SMARCA2: variants seen among roughly 807,000 people sequenced by gnomAD.
SMARCA2 encodes the protein SWI/SNF-related matrix-associated actin-dependent regulator of chromatin subfamily A member 2.
SMARCA2 carries 61 observed loss-of-function variants against 199.8 expected under a neutral mutation model. That is an observed-to-expected ratio of 0.31 (90% CI 0.25 to 0.38). The LOEUF (loss-of-function observed/expected upper bound fraction) is 0.38, where lower values mean the gene tolerates loss of function less well. Ranked by LOEUF, SMARCA2 falls within the 10% of genes least tolerant of loss-of-function variation. The pLI, the probability that SMARCA2 is intolerant of heterozygous loss-of-function variation, is 1.00. For missense variants in SMARCA2, 1,344 were observed against 2,012.2 expected (o/e 0.67, Z 6.35); for synonymous variants, 935 against 732.0 (o/e 1.28, Z -4.48).
chr9:2,190,850 C>G (rs1253030412), intron 32 of SMARCA2, among the ~76,000 whole-genome samples: 1 of 152,150 alleles, frequency 6.6e-6, no homozygotes, highest in Non-Finnish European at 1.5e-5. Flanking sequence ...ATGGAGTTAT[C>G]TACATGGTAA....
chr9:2,075,827 G>A (rs1821300002), intron 12 of SMARCA2, among the ~76,000 whole-genome samples: 3 of 152,094 alleles, frequency 2.0e-5, no homozygotes, highest in African/African-American at 7.2e-5. Flanking sequence ...CCAGCCATCA[G>A]AGAGAGTGTT....
At chr9:2,179,939 A>C (rs1051108543) in intron 29 of SMARCA2, among the ~76,000 whole-genome samples, 1 of 152,228 alleles carries the variant, frequency 6.6e-6, no homozygotes, top group Non-Finnish European at 1.5e-5. Context: ...AAACAGATAA[A>C]ATGTTTGGGT....
At chr9:2,048,813 G>A (rs1819994758) in intron 5 of SMARCA2, among the ~76,000 whole-genome samples, 1 of 152,210 alleles carries the variant, frequency 6.6e-6, no homozygotes, top group South Asian at 2.1e-4. Context: ...CTGATAGGCA[G>A]ATTCTGCTGG....
Position 2,115,776 on chromosome 9 carries a change from T to A in SMARCA2, c.3457-46T>A. 1 of 1,528,286 alleles carries A rather than the reference T, an allele frequency of 6.5e-7. No individual in the cohort carries two copies. The highest frequency in any genetic ancestry group is 9.0e-7 in the Non-Finnish European group (1 of 1,108,142). 94.7% of individuals were successfully genotyped at this position (1,528,286 alleles called of 1,614,324 possible). A position where few individuals can be genotyped will look rare whatever the true frequency, so the allele number is the denominator to read the frequency against. On this transcript the variant is annotated intron_variant, in intron 24 of 33. Transcript: ENST00000349721. The surrounding 1 kb of genome is among the most constrained non-coding windows in gnomAD (Gnocchi z 6.0). ...GGGGTGGGGTCCGGTTTTGGATGCC[T>A]ATGCCAGGCATCTCAGTCCTCATAG...
At position 2,056,529 on chromosome 9, in the gene SMARCA2, T is replaced by C. The variant is rs1820361808; in HGVS notation, c.1174-143T>C. 1.5e-6 allele frequency: 1 copy of C among 659,918 alleles called. No individual in the cohort carries two copies. The highest frequency in any genetic ancestry group is 2.5e-6 in the Non-Finnish European group (1 of 404,126). 40.9% of individuals were successfully genotyped at this position (659,918 alleles called of 1,614,324 possible). ...ATTTGGCATGATTTTAGTTCCTTCA[T>C]TTAATACAAACCAAAGGTGATTGAG... On this transcript the variant is annotated intron_variant, in intron 6 of 33. Transcript: ENST00000349721. The surrounding 1 kb of genome is among the most constrained non-coding windows in gnomAD (Gnocchi z 4.0).
chr9:2,042,994 T>G (rs1203416666), intron 4 of SMARCA2: 1 of 152,210 alleles, frequency 6.6e-6, no homozygotes, highest in Non-Finnish European at 1.5e-5. Flanking sequence ...AAAATAATTT[T>G]TTTTTTAGAT....
intron 32 of SMARCA2, among the ~76,000 whole-genome samples, chr9:2,186,827 G>A (rs1586816445): frequency 6.6e-6 from 1 of 151,642 alleles, no homozygotes; most frequent in South Asian, 2.1e-4. Context: ...CACCTGACCT[G>A]CAAACACTTT....
chr9:2,077,594 G>A (rs1477287340), intron 13 of SMARCA2, 35 bp from the exon 14 acceptor site: 1 of 1,599,406 alleles, frequency 6.3e-7, no homozygotes, highest in African/African-American at 1.3e-5. Flanking sequence ...GCACGCACAT[G>A]TCTGTGTGTG....
In SMARCA2 at chr9:2,156,414, C is replaced by CTTT. The variant is rs57161267; in HGVS notation, c.3982-5242_3982-5240dup. On this transcript the variant is annotated intron_variant, in intron 27 of 33. Coordinates refer to ENST00000349721, the MANE Select transcript of SMARCA2 (RefSeq NM_003070.5). ...ATACCATAAAGTTTACCATTTTAGA[C>CTTT]TTTTTTTTTTTTTTTTTTTTTTTTT... Among the ~76,000 whole-genome samples the CTTT allele has an allele frequency of 6.9e-3, 475 of 69,098 alleles. 17 individuals carry two copies. Among genetic ancestry groups the CTTT allele is most frequent in the Non-Finnish European group, 8.0e-3 (319 of 39,948 alleles). The allele number at this position is 69,098 out of a possible 152,430, so 45.3% of individuals were successfully genotyped here.
At chr9:2,057,731 C>G (rs1263638193) in intron 7 of SMARCA2, among the ~76,000 whole-genome samples, 1 of 151,932 alleles carries the variant, frequency 6.6e-6, no homozygotes, top group Non-Finnish European at 1.5e-5. Flanking sequence ...ATTTGTTTTC[C>G]TGTGCTTAAT....
intron 32 of SMARCA2, 108 bp downstream of exon 32, chr9:2,186,336 G>C: frequency 8.3e-7 from 1 of 1,199,168 alleles, no homozygotes; most frequent in Non-Finnish European, 1.2e-6. Context: ...ATCTGGATTG[G>C]AGCCCTTATT....
intron 4 of SMARCA2, 107 bp downstream of exon 4, chr9:2,040,007 T>C (rs1819535292): frequency 2.0e-6 from 3 of 1,532,342 alleles, no homozygotes; most frequent in African/African-American, 2.7e-5. Context: ...ACGTAGCCTT[T>C]TGTTATACCT....
chr9:2,148,892 A>G lies in SMARCA2; in HGVS notation c.3982-12794A>G, dbSNP rs143529371. 4.9e-4 allele frequency among the ~76,000 whole-genome samples: 74 copies of G among 151,472 alleles called. 1 individual carries two copies. The East Asian group carries it at 0.013, about 26-fold the overall frequency. ...CAAATCCTTGACTGTGCTTCAGTTG[A>G]CCTGGTCTCCTGGTGTCTCCTTCTC... On this transcript the variant is annotated intron_variant, in intron 27 of 33. Transcript: ENST00000349721.
intron 8 of SMARCA2, 32 bp from the exon 9 acceptor site, chr9:2,060,784 A>G (rs755863907): frequency 1.9e-6 from 3 of 1,606,470 alleles, no homozygotes; most frequent in East Asian, 4.5e-5. Context: ...CGCTTATATT[A>G]TGCTCTCATC....
chr9:2,050,247 T>A (rs923149512), intron 5 of SMARCA2, among the ~76,000 whole-genome samples: 1 of 152,214 alleles, frequency 6.6e-6, no homozygotes, highest in Non-Finnish European at 1.5e-5. Flanking sequence ...GATCCTTTCT[T>A]TTTGACCATC....
chr9:2,143,340 A>G (rs1462730899), intron 27 of SMARCA2, among the ~76,000 whole-genome samples: 1 of 152,234 alleles, frequency 6.6e-6, no homozygotes, highest in African/African-American at 2.4e-5. Context: ...CCTGGAGGCT[A>G]TGCATGACCA....
chr9:2,123,587 C>A lies in SMARCA2; in HGVS notation c.3763-132C>A. On this transcript the variant is annotated intron_variant, in intron 26 of 33. Transcript: ENST00000349721. This position sits in a 1 kb window ranked among gnomAD's most constrained non-coding sequence, Gnocchi z 4.1. ...ATATTTAGGGATGAGCTAGAACAAG[C>A]CAACCAGGATGAGAGAGGTTGAAAG... 1.3e-6 allele frequency: 1 copy of A among 778,676 alleles called. No individual in the cohort carries two copies. The allele number at this position is 778,676 out of a possible 1,614,324, so 48.2% of individuals were successfully genotyped here.
chr9:2,144,316 T>G (rs936031309), intron 27 of SMARCA2, among the ~76,000 whole-genome samples: 1 of 152,172 alleles, frequency 6.6e-6, no homozygotes, highest in African/African-American at 2.4e-5. Flanking sequence ...GTACTGTGAC[T>G]GTTAAACTTT....
At position 2,060,993 on chromosome 9, in the gene SMARCA2, A is replaced by G; in HGVS notation, c.1692+7A>G. The G allele has an allele frequency of 6.2e-7, 1 of 1,612,574 alleles. No homozygotes were observed. Among genetic ancestry groups the G allele is most frequent in the Non-Finnish European group, 8.5e-7 (1 of 1,179,370 alleles). ...GAGGAGGAGGAGGAAGAAGGTGCGT[A>G]TCCTAGTGGTGGTGGCTGAGTCCAG... is the stretch of plus-strand genomic sequence containing the variant. On this transcript the variant is annotated splice_region_variant and intron_variant, in intron 9 of 33. Transcript: ENST00000349721.
Sources: allele counts gnomAD v4.1 joint callset (sites outside exome capture counted in the v4.1 genomes callset), GRCh38; gene constraint gnomAD v4.1.1; non-coding constraint Gnocchi (gnomAD v3.1); transcripts MANE v1.5; gene names NCBI Gene and HGNC (gene_info 2026-07-23, HGNC 2026-07-21).